The following KCNQ5 variants were observed in gnomAD, a reference collection of about 807,000 sequenced individuals.
KCNQ5 encodes the protein potassium voltage-gated channel subfamily KQT member 5.
A neutral mutation model predicts 98.2 loss-of-function variants in KCNQ5; 30 were observed. The ratio of observed to expected loss-of-function variants is 0.31; its 90% CI spans 0.23 to 0.41. The LOEUF (loss-of-function observed/expected upper bound fraction) is 0.41. KCNQ5 is among the 10% of genes least tolerant of loss of function. The probability of loss-of-function intolerance (pLI) is 1.00; values close to 1 mark genes in which losing one functional copy is unlikely to be tolerated. For missense variants in KCNQ5, 835 were observed against 1,182.5 expected, an observed-to-expected ratio of 0.71 and a Z score of 4.31; for synonymous variants, 458 against 449.4, an observed-to-expected ratio of 1.02 and a Z score of -0.24.
intron 2 of KCNQ5, among the ~76,000 whole-genome samples, chr6:73,007,250 C>A (rs1361077792): frequency 1.3e-5 from 2 of 152,138 alleles, no homozygotes; most frequent in South Asian, 2.1e-4. Context: ...CCTATACAAC[C>A]AGGTTCCTTA....
chr6:72,979,067 C>T (rs1217248667), intron 1 of KCNQ5, among the ~76,000 whole-genome samples: 2 of 152,152 alleles, frequency 1.3e-5, no homozygotes, highest in African/African-American at 4.8e-5. Flanking sequence ...TTTCTTAATC[C>T]AGTCTATCAT....
intron 1 of KCNQ5, among the ~76,000 whole-genome samples, chr6:72,796,860 T>C (rs998040418): frequency 3.9e-5 from 6 of 152,220 alleles, no homozygotes; most frequent in Admixed American, 6.5e-5. Context: ...ATAGATACTA[T>C]AATGGGATTA....
intron 1 of KCNQ5, among the ~76,000 whole-genome samples, chr6:72,747,237 T>C (rs1771451130): frequency 1.3e-5 from 2 of 152,214 alleles, no homozygotes; most frequent in Admixed American, 1.3e-4. Context: ...ATATCTCAAA[T>C]ATAATTTATA....
At chr6:72,647,896 A>G (rs1456363396) in intron 1 of KCNQ5, among the ~76,000 whole-genome samples, 2 of 152,184 alleles carry the variant, frequency 1.3e-5, no homozygotes, top group East Asian at 3.8e-4. Context: ...ACATCATGAA[A>G]TTAAATAAGA....
At chr6:73,078,864 C>T (rs184966468) in intron 5 of KCNQ5, among the ~76,000 whole-genome samples, 1 of 152,296 alleles carries the variant, frequency 6.6e-6, no homozygotes, top group East Asian at 1.9e-4. Context: ...AAAAATTTTC[C>T]CTGCATTGTA....
intron 1 of KCNQ5, among the ~76,000 whole-genome samples, chr6:72,686,851 T>C (rs6938189): frequency 0.053 from 8,006 of 152,040 alleles, 233 homozygotes; most frequent in Middle Eastern, 0.13. Flanking sequence ...TACTCAGGTG[T>C]TCTGTATCTG....
intron 10 of KCNQ5, among the ~76,000 whole-genome samples, chr6:73,153,696 A>T (rs892676792): frequency 6.6e-6 from 1 of 152,190 alleles, no homozygotes; most frequent in Non-Finnish European, 1.5e-5. Context: ...TTTAGAAAAA[A>T]AAAAGGTAAG....
chr6:72,806,626 A>G (rs1774973438), intron 1 of KCNQ5, among the ~76,000 whole-genome samples: 1 of 152,186 alleles, frequency 6.6e-6, no homozygotes, highest in South Asian at 2.1e-4. Context: ...CCTGCTGAGA[A>G]ATAAAATATT....
At chr6:72,839,328 T>C (rs1776683051) in intron 1 of KCNQ5, among the ~76,000 whole-genome samples, 1 of 152,258 alleles carries the variant, frequency 6.6e-6, no homozygotes, top group Non-Finnish European at 1.5e-5. Flanking sequence ...TTTTGTTTTA[T>C]CATATTGAGC....
intron 1 of KCNQ5, among the ~76,000 whole-genome samples, chr6:72,824,076 A>C (rs936074476): frequency 1.3e-5 from 2 of 152,224 alleles, no homozygotes; most frequent in East Asian, 3.9e-4. Context: ...TTCATCCAGG[A>C]CTACTAGATT....
chr6:72,665,457 A>G (rs1048113626), intron 1 of KCNQ5, among the ~76,000 whole-genome samples: 1 of 152,136 alleles, frequency 6.6e-6, no homozygotes, highest in East Asian at 1.9e-4. Flanking sequence ...GTCATCATTT[A>G]AATCCACCCA....
chr6:72,979,006 CT>C (rs1395648621), intron 1 of KCNQ5, among the ~76,000 whole-genome samples: 1 of 152,238 alleles, frequency 6.6e-6, no homozygotes, highest in Admixed American at 6.5e-5. Context: ...AGGATATGAA[CT>C]CAACCTTTTT....
intron 1 of KCNQ5, among the ~76,000 whole-genome samples, chr6:72,841,642 C>A: frequency 6.6e-6 from 1 of 152,072 alleles, no homozygotes; most frequent in Non-Finnish European, 1.5e-5. Flanking sequence ...TCTCTTAGCC[C>A]TTTTTCTGCC....
chr6:72,709,160 T>C (rs535832415), intron 1 of KCNQ5, among the ~76,000 whole-genome samples: 5 of 152,322 alleles, frequency 3.3e-5, no homozygotes, highest in African/African-American at 1.2e-4. Context: ...TTTTCCTTCC[T>C]TTTAAGATTC....
intron 11 of KCNQ5, among the ~76,000 whole-genome samples, chr6:73,179,791 G>A (rs537167315): frequency 1.8e-4 from 27 of 152,222 alleles, no homozygotes; most frequent in African/African-American, 6.5e-4. Flanking sequence ...ACCAGTCTGG[G>A]TTAAACACCC....
chr6:72,750,977 T>C (rs941597356), intron 1 of KCNQ5, among the ~76,000 whole-genome samples: 2 of 152,022 alleles, frequency 1.3e-5, no homozygotes, highest in African/African-American at 4.8e-5. Context: ...ATCTATTATT[T>C]TGGATGTTTG....
intron 1 of KCNQ5, among the ~76,000 whole-genome samples, chr6:72,884,946 C>T (rs185423719): frequency 6.6e-6 from 1 of 152,102 alleles, no homozygotes; most frequent in Non-Finnish European, 1.5e-5. Context: ...AAATGTAGGT[C>T]ATGGCTAACT....
At chr6:72,795,934 G>C (rs968740494) in intron 1 of KCNQ5, among the ~76,000 whole-genome samples, 4 of 151,862 alleles carry the variant, frequency 2.6e-5, no homozygotes, top group Non-Finnish European at 4.4e-5. Context: ...TTACAGACAA[G>C]GACAACTGGT....
intron 1 of KCNQ5, among the ~76,000 whole-genome samples, chr6:72,866,122 C>T (rs1777969162): frequency 1.3e-5 from 2 of 152,060 alleles, no homozygotes; most frequent in Admixed American, 1.3e-4. Flanking sequence ...CCAGAGGTCA[C>T]ATAATATAAA....
Sources: allele counts gnomAD v4.1 joint callset (sites outside exome capture counted in the v4.1 genomes callset), GRCh38; gene constraint gnomAD v4.1.1; transcripts MANE v1.5; gene names NCBI Gene and HGNC (gene_info 2026-07-23, HGNC 2026-07-21).